TMPRSS6: variants seen among roughly 807,000 people sequenced by gnomAD.
The protein encoded by TMPRSS6 is transmembrane protease serine 6.
A neutral mutation model predicts 101.5 loss-of-function variants in TMPRSS6; 67 were observed. That is an observed-to-expected ratio of 0.66 (90% confidence interval 0.54 to 0.81). The LOEUF is 0.81. Among genes scored for constraint, TMPRSS6 ranks in the 30% least tolerant of loss-of-function variants. TMPRSS6 has a pLI of 0.00. For synonymous variants in TMPRSS6, 453 were observed against 464.9 expected (o/e 0.97, Z 0.33); for missense variants, 1,034 against 1,088.7 (o/e 0.95, Z 0.71).
chr22:37,110,376 C>T (rs1930983992), upstream of TMPRSS6, among the ~76,000 whole-genome samples: 1 of 151,978 alleles, frequency 6.6e-6, no homozygotes, highest in Admixed American at 6.6e-5. Flanking sequence ...CTCCTGACCT[C>T]AAGTGATTCC....
At chr22:37,107,957 C>T (rs1930817851) in intron 1 of TMPRSS6, among the ~76,000 whole-genome samples, 1 of 152,190 alleles carries the variant, frequency 6.6e-6, no homozygotes, top group African/African-American at 2.4e-5. Context: ...ACTCAGCGGA[C>T]ACTCAGTAAT....
At chr22:37,087,942 C>A (rs1334734804) in intron 7 of TMPRSS6, among the ~76,000 whole-genome samples, 1 of 152,154 alleles carries the variant, frequency 6.6e-6, no homozygotes, top group Non-Finnish European at 1.5e-5. Context: ...CCAAAGTCCC[C>A]CTCACCCCCA....
rs1400907954 is a variant in TMPRSS6 at position 37,070,573 on chromosome 22, G to C, written c.1752C>G (p.Ser584Arg). The change falls in exon 15 of 18, where the codon AGC becomes AGG. Residue 584 changes from serine (S) to arginine (R), a missense_variant. By Grantham distance (110) the Ser-to-Arg change is moderately radical (BLOSUM62 -1). Transcript: ENST00000676104. ...AGATGTGTCGACCCCGAACCTGGAG[G>C]CTGGCCTGCCATGGCCACTCACCCT... ...SSEGEWPWQA[S>R]LQVRGRHICG... is the part of the protein sequence containing the mutation. The C allele has an allele frequency of 6.2e-7, 1 of 1,613,154 alleles. No individual in the cohort carries two copies. Among genetic ancestry groups the C allele is most frequent in the African/African-American group, 1.3e-5 (1 of 74,930 alleles).
intron 7 of TMPRSS6, among the ~76,000 whole-genome samples, chr22:37,087,988 C>G (rs1182382182): frequency 6.6e-6 from 1 of 152,074 alleles, no homozygotes; most frequent in Admixed American, 6.5e-5. Context: ...AGCTTGAGAA[C>G]CCCAAATGTT....
chr22:37,066,872 C>T lies in TMPRSS6; in HGVS notation c.2204G>A (p.Arg735His), dbSNP rs371794539. 2.5e-5 allele frequency: 41 copies of T among 1,614,068 alleles called. No homozygotes were observed. Among genetic ancestry groups the T allele is most frequent in the Middle Eastern group, 3.3e-4 (2 of 6,084 alleles). The change falls in exon 17 of 18, where the codon CGC (arginine) becomes CAC (histidine). Residue 735 changes from arginine to histidine, a missense_variant. Coordinates refer to ENST00000676104, the MANE Select transcript of TMPRSS6 (RefSeq NM_001374504.1). ...SEVYRYQVTP[R>H]MLCAGYRKGK... ...CTTGCGGTAGCCGGCACACAGCATG[C>T]GTGGCGTCACCTGGTAGCGATAGAC...
chr22:37,067,066 C>T (rs1226247230), intron 16 of TMPRSS6, 104 bp from the exon 17 acceptor site: 6 of 1,538,748 alleles, frequency 3.9e-6, no homozygotes, highest in African/African-American at 2.7e-5. Flanking sequence ...CTACTTCTCT[C>T]CTGCTCTGCC....
intron 12 of TMPRSS6, 85 bp from the exon 13 acceptor site, chr22:37,073,730 G>A (rs546663869): frequency 2.4e-5 from 20 of 825,220 alleles, no homozygotes; most frequent in African/African-American, 2.3e-4. Flanking sequence ...AAGGTGTGCT[G>A]TATTGCACGT....
chr22:37,067,725 G>A (rs1926439745), intron 16 of TMPRSS6, among the ~76,000 whole-genome samples: 1 of 152,188 alleles, frequency 6.6e-6, no homozygotes, highest in South Asian at 2.1e-4. Flanking sequence ...CCCCCGGGGA[G>A]CCTTGATACG....
chr22:37,067,734 C>T (rs879827890), intron 16 of TMPRSS6, among the ~76,000 whole-genome samples: 22 of 152,222 alleles, frequency 1.4e-4, no homozygotes, highest in Admixed American at 6.5e-4. Context: ...AGCCTTGATA[C>T]GCAGTTTTTC....
intron 1 of TMPRSS6, among the ~76,000 whole-genome samples, chr22:37,105,386 C>A (rs368006943): frequency 1.3e-5 from 2 of 152,198 alleles, no homozygotes; most frequent in African/African-American, 4.8e-5. Context: ...GGGACAGCCC[C>A]GCCCACTTCC....
intron 6 of TMPRSS6, among the ~76,000 whole-genome samples, chr22:37,095,224 T>C (rs1929639152): frequency 6.6e-6 from 1 of 152,202 alleles, no homozygotes; most frequent in Admixed American, 6.5e-5. Flanking sequence ...AACTAGCTTG[T>C]GGGCAGGTTG....
intron 1 of TMPRSS6, 66 bp downstream of exon 1, chr22:37,109,437 T>G (rs1930935425): frequency 6.6e-6 from 1 of 152,414 alleles, no homozygotes; most frequent in African/African-American, 2.4e-5. Flanking sequence ...GCCCAGCTCT[T>G]AGGGTGGACA....
At chr22:37,066,801 T>C (rs1224768762) in intron 17 of TMPRSS6, 25 bp downstream of exon 17, 5 of 1,614,018 alleles carry the variant, frequency 3.1e-6, no homozygotes, top group South Asian at 2.2e-5. Context: ...CCCTCCTCTC[T>C]CCCTCCCATG....
At chr22:37,066,543 C>A (rs1033242100) in intron 17 of TMPRSS6, among the ~76,000 whole-genome samples, 7 of 152,242 alleles carry the variant, frequency 4.6e-5, no homozygotes, top group South Asian at 2.1e-4. Flanking sequence ...CACTGTGGGA[C>A]CCTGGGCCTA....
intron 6 of TMPRSS6, among the ~76,000 whole-genome samples, chr22:37,095,159 AC>A (rs979734101): frequency 1.3e-5 from 2 of 152,098 alleles, no homozygotes; most frequent in African/African-American, 4.8e-5. Context: ...AAGTTTTAAA[AC>A]CAACGTGACT....
chr22:37,069,633 G>T lies in TMPRSS6; in HGVS notation c.1842-289C>A, dbSNP rs1926701303. ...CAAATGGGAATGGCATTTTCTACTC[G>T]AATGTTCTTGAGAGAATCCAATAAG... is the stretch of plus-strand genomic sequence containing the variant. On this transcript the variant is annotated intron_variant, in intron 15 of 17. Transcript: ENST00000676104. This position sits in a 1 kb window ranked among gnomAD's most constrained non-coding sequence, Gnocchi z 4.8. Among the ~76,000 whole-genome samples the T allele has an allele frequency of 6.6e-6, 1 of 152,170 alleles. No individual in the cohort carries two copies. The highest frequency in any genetic ancestry group is 2.1e-4 in the South Asian group (1 of 4,824).
chr22:37,103,122 G>T lies in TMPRSS6; in HGVS notation c.202+94C>A. 7.4e-7 allele frequency: 1 copy of T among 1,352,270 alleles called. No individual in the cohort carries two copies. The highest frequency in any genetic ancestry group is 1.0e-6 in the Non-Finnish European group (1 of 956,928). The allele number at this position is 1,352,270 out of a possible 1,614,324, so 83.8% of individuals were successfully genotyped here. ...GTCACACAGCAATATGCTAAGCACG[G>T]CTGAGCCTGGAACCCAGTCCTGTCC... is the stretch of plus-strand genomic sequence containing the variant. On this transcript the variant is annotated intron_variant, in intron 2 of 17. Coordinates refer to ENST00000676104, the MANE Select transcript of TMPRSS6 (RefSeq NM_001374504.1). The surrounding 1 kb of genome is among the most constrained non-coding windows in gnomAD (Gnocchi z 4.4).
chr22:37,108,775 G>A (rs988463333), intron 1 of TMPRSS6, among the ~76,000 whole-genome samples: 19 of 152,134 alleles, frequency 1.2e-4, no homozygotes, highest in African/African-American at 3.4e-4. Context: ...TGACTTACCC[G>A]AGGTCCCTCA....
chr22:37,098,310 G>A (rs960757474), intron 3 of TMPRSS6, 106 bp downstream of exon 3: 4 of 1,550,474 alleles, frequency 2.6e-6, no homozygotes, highest in Admixed American at 3.3e-5. Context: ...TGTGGTCCCT[G>A]TGAATGCTCC....
Sources: allele counts gnomAD v4.1 joint callset (sites outside exome capture counted in the v4.1 genomes callset), GRCh38; gene constraint gnomAD v4.1.1; non-coding constraint Gnocchi (gnomAD v3.1); transcripts MANE v1.5; gene names NCBI Gene and HGNC (gene_info 2026-07-23, HGNC 2026-07-21).